The following ANAPC7 variants were observed in gnomAD, a reference collection of about 807,000 sequenced individuals.
ANAPC7 encodes the protein anaphase-promoting complex subunit 7.
A neutral mutation model predicts 63.3 loss-of-function variants in ANAPC7; 25 were observed. The observed-to-expected ratio is 0.39, with a 90% CI of 0.29 to 0.55. The LOEUF (loss-of-function observed/expected upper bound fraction) is 0.55, where lower values mean the gene tolerates loss of function less well. ANAPC7 is among the 20% of genes least tolerant of loss of function. ANAPC7 has a pLI of 0.57. For synonymous variants in ANAPC7, 241 were observed against 251.7 expected, an observed-to-expected ratio of 0.96 and a Z score of 0.40; for missense variants, 516 against 691.7, an observed-to-expected ratio of 0.75 and a Z score of 2.85.
At position 110,403,524 on chromosome 12, in the gene ANAPC7, C is replaced by T; in HGVS notation, c.101+3G>A. On this transcript the variant is annotated splice_donor_region_variant and intron_variant, in intron 1 of 10. Transcript: ENST00000455511. ...CCCCAGGCAGCTACCCGCCTCAACT[C>T]ACGGGTTGTTATTACTCATTGTAAG... 1 of 1,595,442 alleles carries T rather than the reference C, an allele frequency of 6.3e-7. No individual in the cohort carries two copies. Among genetic ancestry groups the T allele is most frequent in the South Asian group, 1.1e-5 (1 of 88,674 alleles).
At chr12:110,376,425 C>T (rs182568063) in intron 9 of ANAPC7, among the ~76,000 whole-genome samples, 6 of 151,694 alleles carry the variant, frequency 4.0e-5, no homozygotes, top group African/African-American at 1.2e-4. Context: ...AAAAATTAGC[C>T]GGGCTTGGTG....
At chr12:110,387,214 GGAGAGAGAGAGAGA>G (rs143586209) in intron 5 of ANAPC7, 1 of 57,790 alleles carries the variant, frequency 1.7e-5, no homozygotes, top group Non-Finnish European at 3.7e-5. Flanking sequence ...CTCTAGCCTG[GGAGAGAGAGAGAGA>G]GAGAGAGAGA....
At chr12:110,403,323 C>T (rs2138006445) in intron 1 of ANAPC7, among the ~76,000 whole-genome samples, 1 of 152,246 alleles carries the variant, frequency 6.6e-6, no homozygotes, top group African/African-American at 2.4e-5. Context: ...CTCGCCACAT[C>T]CCCGCGGGAC....
chr12:110,373,329 G>A lies in ANAPC7; in HGVS notation c.*815C>T, dbSNP rs1033669509. 1.3e-5 allele frequency: 2 copies of A among 152,174 alleles called. No homozygotes were observed. Among genetic ancestry groups the A allele is most frequent in the Non-Finnish European group, 2.9e-5 (2 of 68,028 alleles). 9.4% of individuals were successfully genotyped at this position (152,174 alleles called of 1,614,324 possible). A position where few individuals can be genotyped will look rare whatever the true frequency, so the allele number is the denominator to read the frequency against. Reference sequence around the variant, plus strand: ...AGATGAACCAGCTCAGGGTTCCTGAGCTTTCCAACCCTCCTGGCTCCCAAC... The same window carrying A: ...AGATGAACCAGCTCAGGGTTCCTGAACTTTCCAACCCTCCTGGCTCCCAAC... On this transcript the variant is annotated 3_prime_UTR_variant, in exon 11 of 11. Coordinates refer to ENST00000455511, the MANE Select transcript of ANAPC7 (RefSeq NM_016238.3).
intron 6 of ANAPC7, among the ~76,000 whole-genome samples, chr12:110,385,904 C>T (rs778512682): frequency 6.6e-6 from 1 of 152,114 alleles, no homozygotes; most frequent in Admixed American, 6.6e-5. Context: ...GTTGTTCACG[C>T]CTAATTACTG....
chr12:110,377,465 T>A lies in ANAPC7; in HGVS notation c.1285A>T (p.Thr429Ser). 6.2e-7 allele frequency: 1 copy of A among 1,614,208 alleles called. No individual in the cohort carries two copies. Among genetic ancestry groups the A allele is most frequent in the Non-Finnish European group, 8.5e-7 (1 of 1,180,040 alleles). The change falls in exon 9 of 11, where the codon ACA becomes TCA. Residue 429 changes from threonine (T) to serine (S), a missense_variant. Transcript: ENST00000455511. ...TGGGTCAGGGCTTTATCTAATAATG[T>A]TTTGGCTTTCTCCTGTGTCACTGGG... ...EDPVTQEKAKTLLDKALTQRP... is the reference protein window; with the variant it reads ...EDPVTQEKAKSLLDKALTQRP...
chr12:110,403,505 G>A (rs1345100317), intron 1 of ANAPC7, 22 bp downstream of exon 1: 7 of 1,567,906 alleles, frequency 4.5e-6, no homozygotes, highest in Non-Finnish European at 6.1e-6. Flanking sequence ...TCAGCCCCAG[G>A]CAGCTACCCG....
At chr12:110,387,434 C>CGAGAGA (rs1882711632) in intron 5 of ANAPC7, 5 of 19,584 alleles carry the variant, frequency 2.6e-4, no homozygotes, top group Non-Finnish European at 4.6e-4. Flanking sequence ...AGAGAGAGAC[C>CGAGAGA]GACCTTGTCT....
rs1371027668 is a variant in ANAPC7 at position 110,388,186 on chromosome 12, G to A, written c.521-294C>T. 5.9e-5 allele frequency among the ~76,000 whole-genome samples: 9 copies of A among 152,084 alleles called. No homozygotes were observed. The South Asian group carries it at 1.5e-3, about 25-fold the overall frequency. ...CGAGAAGCTGGGACTACAGGCACGC[G>A]CCACCATGCCTGGCTAATTTTTGTA... is the stretch of plus-strand genomic sequence containing the variant. On this transcript the variant is annotated intron_variant, in intron 4 of 10. Transcript: ENST00000455511.
intron 9 of ANAPC7, among the ~76,000 whole-genome samples, chr12:110,376,568 C>CGAAAAAA (rs1881292552): frequency 1.6e-5 from 1 of 62,400 alleles, no homozygotes; most frequent in Non-Finnish European, 2.7e-5. Flanking sequence ...GACTCCATCT[C>CGAAAAAA]AAAAAAAAAA....
intron 6 of ANAPC7, among the ~76,000 whole-genome samples, chr12:110,385,584 G>C (rs1882381172): frequency 6.6e-6 from 1 of 152,184 alleles, no homozygotes; most frequent in African/African-American, 2.4e-5. Context: ...ATAAGCACTT[G>C]AGGTGAGGGG....
At position 110,377,872 on chromosome 12, in the gene ANAPC7, T is replaced by C. The variant is rs1280670970; in HGVS notation, c.1133-255A>G. 3.8e-6 allele frequency: 5 copies of C among 1,333,084 alleles called. No homozygotes were observed. The African/African-American group carries it at 5.9e-5, about 16-fold the overall frequency. 82.6% of individuals were successfully genotyped at this position (1,333,084 alleles called of 1,614,324 possible). ...CAGTTTAGGGAAGGAAACAAGCACA[T>C]GTAAGGAACCTGCAGCATGTGAGCA... On this transcript the variant is annotated intron_variant, in intron 8 of 10. Transcript: ENST00000455511.
rs921566356 is a variant in ANAPC7 at position 110,377,764 on chromosome 12, A to G, written c.1133-147T>C. 14 of 1,479,022 alleles carry G rather than the reference A, an allele frequency of 9.5e-6. No homozygotes were observed. In the African/African-American group the frequency reaches 2.0e-4, roughly 21 times the overall value. The allele number at this position is 1,479,022 out of a possible 1,614,324, so 91.6% of individuals were successfully genotyped here. A position where few individuals can be genotyped will look rare whatever the true frequency, so the allele number is the denominator to read the frequency against. The stretch of plus-strand genomic sequence containing the variant: ...AACTGATGGTGAGATTAGACTGGCA[A>G]GAGTGTTGATGGAATAGCTAAGAAG... On this transcript the variant is annotated intron_variant, in intron 8 of 10. Coordinates refer to ENST00000455511, the MANE Select transcript of ANAPC7 (RefSeq NM_016238.3).
At chr12:110,396,574 G>A (rs1238099942) in intron 1 of ANAPC7, 122 bp from the exon 2 acceptor site, 16 of 721,586 alleles carry the variant, frequency 2.2e-5, no homozygotes, top group Non-Finnish European at 3.2e-5. Context: ...GCAGTGGCAC[G>A]ATCTCGGCTC....
chr12:110,397,569 A>C (rs1315344923), intron 1 of ANAPC7, among the ~76,000 whole-genome samples: 2 of 151,640 alleles, frequency 1.3e-5, no homozygotes, highest in Middle Eastern at 3.2e-3. Context: ...AAAAAAAAAA[A>C]AAACACTAAA....
chr12:110,398,891 G>T (rs117278527), intron 1 of ANAPC7, among the ~76,000 whole-genome samples: 2,401 of 152,180 alleles, frequency 0.016, 36 homozygotes, highest in Non-Finnish European at 0.025. Context: ...GTTGCGGTGA[G>T]CCAAGATAGT....
chr12:110,392,634 AATTT>A (rs1408743843), intron 3 of ANAPC7, among the ~76,000 whole-genome samples: 8 of 152,188 alleles, frequency 5.3e-5, no homozygotes, highest in East Asian at 1.9e-4. Flanking sequence ...CACATTCATG[AATTT>A]ATTTGGTATT....
chr12:110,386,078 A>G (rs1419421474), intron 6 of ANAPC7, among the ~76,000 whole-genome samples: 1 of 152,192 alleles, frequency 6.6e-6, no homozygotes, highest in Non-Finnish European at 1.5e-5. Flanking sequence ...GACCCCCTCA[A>G]AAGAAAAAAA....
intron 9 of ANAPC7, among the ~76,000 whole-genome samples, chr12:110,377,062 G>A (rs1009616000): frequency 1.7e-4 from 26 of 151,316 alleles, no homozygotes; most frequent in African/African-American, 1.9e-4. Context: ...GCTTGAACCC[G>A]GGAGGCGGAG....
Sources: allele counts gnomAD v4.1 joint callset (sites outside exome capture counted in the v4.1 genomes callset), GRCh38; gene constraint gnomAD v4.1.1; transcripts MANE v1.5; gene names NCBI Gene and HGNC (gene_info 2026-07-23, HGNC 2026-07-21).